Variants in DIP2C observed in about 807,000 individuals in gnomAD.
DIP2C encodes disco-interacting protein 2 homolog C.
A neutral mutation model predicts 192.4 loss-of-function variants in DIP2C; 33 were observed. The observed-to-expected ratio is 0.17, with a 90% CI of 0.13 to 0.23. DIP2C has a LOEUF of 0.23. Among genes scored for constraint, DIP2C ranks in the 10% least tolerant of loss-of-function variants. The pLI is 1.00. For missense variants in DIP2C, 1,537 were observed against 2,110.1 expected (o/e 0.73, Z 5.32); for synonymous variants, 979 against 864.1 (o/e 1.13, Z -2.33).
intron 4 of DIP2C, among the ~76,000 whole-genome samples, chr10:425,406 G>A (rs866980266): frequency 8.9e-5 from 13 of 145,308 alleles, no homozygotes; most frequent in South Asian, 6.7e-4. Flanking sequence ...AATATGACAC[G>A]GATGATACGG....
At chr10:314,995 CCTTT>C (rs1956715369) in intron 31 of DIP2C, among the ~76,000 whole-genome samples, 1 of 152,112 alleles carries the variant, frequency 6.6e-6, no homozygotes, top group Non-Finnish European at 1.5e-5. Flanking sequence ...TTTACTTGTC[CCTTT>C]CTTTGTTCCT....
At chr10:634,312 G>A (rs768365277) in intron 1 of DIP2C, among the ~76,000 whole-genome samples, 7 of 152,152 alleles carry the variant, frequency 4.6e-5, no homozygotes, top group Non-Finnish European at 1.0e-4. Context: ...GTTTTCTGGC[G>A]GTTTGTTACT....
chr10:557,927 A>G (rs1470955969), intron 1 of DIP2C, among the ~76,000 whole-genome samples: 2 of 131,366 alleles, frequency 1.5e-5, no homozygotes, highest in Non-Finnish European at 3.1e-5. Context: ...GAAGGGGGAA[A>G]CCCCAGAGGG....
chr10:579,868 C>G (rs555144569), intron 1 of DIP2C, among the ~76,000 whole-genome samples: 1 of 152,008 alleles, frequency 6.6e-6, no homozygotes, highest in East Asian at 1.9e-4. Flanking sequence ...TGCATATGTA[C>G]ACTATAACAC....
At chr10:301,214 G>A (rs1023189477) in intron 32 of DIP2C, among the ~76,000 whole-genome samples, 1 of 152,226 alleles carries the variant, frequency 6.6e-6, no homozygotes, top group African/African-American at 2.4e-5. Context: ...CAGCTGTCAG[G>A]AGAGAGGGCC....
intron 1 of DIP2C, among the ~76,000 whole-genome samples, chr10:492,255 C>A (rs1247497273): frequency 6.6e-6 from 1 of 152,222 alleles, no homozygotes; most frequent in Non-Finnish European, 1.5e-5. Flanking sequence ...CCCCAAACTG[C>A]GTTGGAGGCT....
Position 277,250 on chromosome 10 carries a change from T to C in DIP2C, c.*75A>G. 32 of 1,572,028 alleles carry C rather than the reference T, an allele frequency of 2.0e-5. No individual in the cohort carries two copies. Among genetic ancestry groups the C allele is most frequent in the Non-Finnish European group, 2.7e-5 (31 of 1,162,398 alleles). ...CTGTATTCTGGTGAGTGTTGCCCTG[T>C]GTCTGCACGCTTCAGTGGACACGGA... On this transcript the variant is annotated 3_prime_UTR_variant, in exon 37 of 37. Transcript: ENST00000280886.
rs924392760 is a variant in DIP2C, at chr10:553,511, G to A, written c.86-66981C>T. The stretch of plus-strand genomic sequence containing the variant: ...CATAAAATTTTGCGTGTAAACACTT[G>A]AAGTTTGGCATAATGAACTGAAAGT... On this transcript the variant is annotated intron_variant, in intron 1 of 36. Coordinates refer to ENST00000280886, the MANE Select transcript of DIP2C (RefSeq NM_014974.3). Among the ~76,000 whole-genome samples the A allele has an allele frequency of 2.0e-5, 3 of 152,220 alleles. No homozygotes were observed. In the East Asian group the frequency reaches 5.8e-4, roughly 29 times the overall value.
At chr10:686,990 A>G (rs1238858759) in intron 1 of DIP2C, among the ~76,000 whole-genome samples, 1 of 152,252 alleles carries the variant, frequency 6.6e-6, no homozygotes, top group Non-Finnish European at 1.5e-5. Flanking sequence ...CCTCCTCTGT[A>G]GGAAATGAGC....
chr10:344,424 G>A lies in DIP2C; in HGVS notation c.3453+385C>T, dbSNP rs1009042130. Reference sequence around the variant, plus strand: ...CGGGGGGGGGTTTGCACGGCACCTCGGCAAGGGCGGCATCTGAGCTGAGAG... The same window carrying A: ...CGGGGGGGGGTTTGCACGGCACCTCAGCAAGGGCGGCATCTGAGCTGAGAG... On this transcript the variant is annotated intron_variant, in intron 28 of 36. Transcript: ENST00000280886. Among the ~76,000 whole-genome samples, 8 of 152,038 alleles carry A rather than the reference G, an allele frequency of 5.3e-5. No homozygotes were observed. In the South Asian group the frequency reaches 6.3e-4, roughly 12 times the overall value.
chr10:316,659 AG>A (rs1355385446), intron 31 of DIP2C, among the ~76,000 whole-genome samples: 2 of 152,124 alleles, frequency 1.3e-5, no homozygotes, highest in African/African-American at 4.8e-5. Context: ...GCCACCCTCG[AG>A]CGGGAGCCAG....
intron 1 of DIP2C, among the ~76,000 whole-genome samples, chr10:536,592 AG>A (rs1564828126): frequency 1.3e-5 from 2 of 152,218 alleles, no homozygotes; most frequent in African/African-American, 2.4e-5. Flanking sequence ...TAAGTTTGGG[AG>A]GACACAATTT....
chr10:465,575 T>A (rs1041687567), intron 3 of DIP2C, among the ~76,000 whole-genome samples: 1 of 152,016 alleles, frequency 6.6e-6, no homozygotes, highest in Non-Finnish European at 1.5e-5. Context: ...GGGTATTCAA[T>A]TAGGAAAAGA....
chr10:354,803 C>T (rs890386580), intron 24 of DIP2C, among the ~76,000 whole-genome samples: 1 of 151,708 alleles, frequency 6.6e-6, no homozygotes, highest in Non-Finnish European at 1.5e-5. Flanking sequence ...TAGGTCACCA[C>T]GTTGGAGATG....
intron 9 of DIP2C, among the ~76,000 whole-genome samples, chr10:400,854 A>AT (rs1480654499): frequency 6.6e-6 from 1 of 150,946 alleles, no homozygotes; most frequent in Non-Finnish European, 1.5e-5. Context: ...GAATCCTGTG[A>AT]TTTTACACGT....
At chr10:418,290 A>ACTGTG (rs1564687466) in intron 6 of DIP2C, among the ~76,000 whole-genome samples, 3 of 135,160 alleles carry the variant, frequency 2.2e-5, no homozygotes, top group African/African-American at 8.5e-5. Context: ...ATCCCCGTCC[A>ACTGTG]CCTGTCGGAG....
At chr10:445,415 T>C (rs1968091635) in intron 3 of DIP2C, among the ~76,000 whole-genome samples, 1 of 151,344 alleles carries the variant, frequency 6.6e-6, no homozygotes, top group African/African-American at 2.4e-5. Context: ...TTGCAAAGAG[T>C]ATATCTTGCA....
intron 29 of DIP2C, chr10:340,870 A>G (rs1958111840): frequency 2.1e-6 from 1 of 471,490 alleles, no homozygotes; most frequent in Admixed American, 2.3e-5. Flanking sequence ...CCCAGCGAGA[A>G]CCCAGGCCCA....
chr10:527,638 G>A (rs1341787903), intron 1 of DIP2C, among the ~76,000 whole-genome samples: 3 of 152,156 alleles, frequency 2.0e-5, no homozygotes, highest in Non-Finnish European at 4.4e-5. Context: ...AAAATCCAGT[G>A]GTTACACCAG....
Sources: gnomAD v4.1 joint callset for allele counts (sites outside exome capture counted in the v4.1 genomes callset) on GRCh38, gnomAD v4.1.1 for gene constraint, MANE v1.5 for transcripts, NCBI Gene and HGNC (gene_info 2026-07-23, HGNC 2026-07-21) for gene names.